The following KIAA1217 variants were observed in gnomAD, a reference collection of about 807,000 sequenced individuals.
KIAA1217 encodes sickle tail protein homolog.
Under a neutral mutation model 163.9 loss-of-function variants are expected in KIAA1217, and 88 were observed. The ratio of observed to expected loss-of-function variants is 0.54; its 90% CI spans 0.45 to 0.64. KIAA1217 has a LOEUF of 0.64. KIAA1217 is among the 30% of genes least tolerant of loss of function. KIAA1217 has a pLI of 0.00. For synonymous variants in KIAA1217, 903 were observed against 923.1 expected, an observed-to-expected ratio of 0.98 and a Z score of 0.39; for missense variants, 2,372 against 2,475.0, an observed-to-expected ratio of 0.96 and a Z score of 0.88.
intron 1 of KIAA1217, among the ~76,000 whole-genome samples, chr10:23,790,600 T>C (rs1688679831): frequency 7.9e-6 from 1 of 126,712 alleles, no homozygotes; most frequent in East Asian, 2.1e-4. Flanking sequence ...TATATACATG[T>C]ACATATATAC....
At chr10:23,926,813 T>A (rs2131302964) in intron 1 of KIAA1217, among the ~76,000 whole-genome samples, 1 of 152,182 alleles carries the variant, frequency 6.6e-6, no homozygotes, top group East Asian at 1.9e-4. Context: ...CTTTTCTTCC[T>A]CCCTCTTTTC....
rs535615850 is a variant in KIAA1217, at chr10:24,472,850, AT to A, written c.847-375del. Among the ~76,000 whole-genome samples the A allele has an allele frequency of 4.9e-3, 743 of 152,088 alleles. 9 individuals carry two copies. Among genetic ancestry groups the A allele is most frequent in the Middle Eastern group, 6.8e-3 (2 of 294 alleles). On this transcript the variant is annotated intron_variant, in intron 5 of 20. Coordinates refer to ENST00000376454, the MANE Select transcript of KIAA1217 (RefSeq NM_019590.5). The stretch of plus-strand genomic sequence containing the variant: ...CTCTGGAGGCTCCAGAGTGGGATCC[AT>A]TTCCTCACCTTTTCCAGCTTCTAGC...
chr10:23,884,309 C>T (rs1026183442), intron 1 of KIAA1217, among the ~76,000 whole-genome samples: 3 of 151,886 alleles, frequency 2.0e-5, no homozygotes, highest in Admixed American at 6.6e-5. Flanking sequence ...CATTCTAATA[C>T]GAATATGGTA....
chr10:23,844,481 G>A (rs1021314666), intron 1 of KIAA1217, among the ~76,000 whole-genome samples: 1 of 152,180 alleles, frequency 6.6e-6, no homozygotes, highest in Admixed American at 6.6e-5. Flanking sequence ...GACCTGTGTT[G>A]TCATATTCAA....
chr10:24,511,922 T>A (rs983692752), intron 9 of KIAA1217, among the ~76,000 whole-genome samples: 4 of 152,130 alleles, frequency 2.6e-5, no homozygotes, highest in African/African-American at 9.7e-5. Flanking sequence ...TCTCACCGAG[T>A]CTCCATGACC....
At chr10:23,807,092 T>C (rs771958817) in intron 1 of KIAA1217, among the ~76,000 whole-genome samples, 13 of 152,378 alleles carry the variant, frequency 8.5e-5, no homozygotes, top group Non-Finnish European at 1.3e-4. Context: ...TCTGAGGATT[T>C]AATGAACTTC....
intron 2 of KIAA1217, among the ~76,000 whole-genome samples, chr10:24,341,110 T>C (rs1481089710): frequency 1.3e-5 from 2 of 152,110 alleles, no homozygotes; most frequent in African/African-American, 4.8e-5. Context: ...GTTATCCTTT[T>C]ACTTCTCCTG....
intron 2 of KIAA1217, among the ~76,000 whole-genome samples, chr10:24,050,496 G>A (rs1184981267): frequency 6.6e-6 from 1 of 151,942 alleles, no homozygotes; most frequent in Non-Finnish European, 1.5e-5. Context: ...GTGTAGGGAA[G>A]GGGTCCAGTT....
chr10:24,422,598 C>A (rs373130085), intron 3 of KIAA1217, among the ~76,000 whole-genome samples: 2 of 152,154 alleles, frequency 1.3e-5, no homozygotes, highest in Admixed American at 1.3e-4. Flanking sequence ...TTGGAAGGAC[C>A]AGGAGGATCA....
Position 24,539,896 on chromosome 10 carries a change from G to A in KIAA1217, c.3535-2797G>A, listed in dbSNP as rs149592999. ...CAATTTTCTTGTAACCCTGTCTCTCGTTTTGGTTTATTGTCCATATGCCTA... is the reference window on the plus strand; with the variant it reads ...CAATTTTCTTGTAACCCTGTCTCTCATTTTGGTTTATTGTCCATATGCCTA... On this transcript the variant is annotated intron_variant, in intron 17 of 20. Coordinates refer to ENST00000376454, the MANE Select transcript of KIAA1217 (RefSeq NM_019590.5). 8.5e-5 allele frequency among the ~76,000 whole-genome samples: 13 copies of A among 152,124 alleles called. No homozygotes were observed. The East Asian group carries it at 1.2e-3, about 14-fold the overall frequency.
intron 2 of KIAA1217, among the ~76,000 whole-genome samples, chr10:24,326,560 G>A (rs1463038823): frequency 6.6e-6 from 1 of 152,038 alleles, no homozygotes; most frequent in Non-Finnish European, 1.5e-5. Flanking sequence ...AGGTGTGAAA[G>A]GCATGGTTAT....
chr10:24,515,922 T>C (rs575073522), intron 10 of KIAA1217, among the ~76,000 whole-genome samples: 1 of 152,236 alleles, frequency 6.6e-6, no homozygotes, highest in East Asian at 1.9e-4. Flanking sequence ...AAATAAAAAA[T>C]TAGCCAGCTG....
At chr10:23,812,212 C>T (rs1407862890) in intron 1 of KIAA1217, among the ~76,000 whole-genome samples, 1 of 152,158 alleles carries the variant, frequency 6.6e-6, no homozygotes, top group African/African-American at 2.4e-5. Flanking sequence ...GATGAAGTTA[C>T]ATATGATTGC....
intron 1 of KIAA1217, among the ~76,000 whole-genome samples, chr10:23,706,993 G>A (rs1329817611): frequency 4.6e-5 from 7 of 152,086 alleles, no homozygotes; most frequent in Admixed American, 4.6e-4. Flanking sequence ...GTCCTGTTCT[G>A]TTCTTTTTAT....
chr10:24,229,477 T>C (rs1053546107), intron 2 of KIAA1217, among the ~76,000 whole-genome samples: 1 of 152,210 alleles, frequency 6.6e-6, no homozygotes, highest in Admixed American at 6.5e-5. Flanking sequence ...AATGACTGAA[T>C]ATGAGTTTAC....
intron 1 of KIAA1217, among the ~76,000 whole-genome samples, chr10:23,853,551 C>T (rs1322398920): frequency 6.6e-6 from 1 of 152,158 alleles, no homozygotes; most frequent in Non-Finnish European, 1.5e-5. Context: ...GGAGTATTCC[C>T]TCTTTTTCTA....
intron 2 of KIAA1217, among the ~76,000 whole-genome samples, chr10:24,306,947 G>A (rs1219077090): frequency 1.3e-5 from 2 of 152,202 alleles, no homozygotes; most frequent in Non-Finnish European, 2.9e-5. Context: ...GGCAAGAAAT[G>A]ACGGCTACCT....
rs144403604 is a variant in KIAA1217, at chr10:24,152,064, C to T, written c.-170-67562C>T. Among the ~76,000 whole-genome samples, 12 of 152,132 alleles carry T rather than the reference C, an allele frequency of 7.9e-5. No homozygotes were observed. The South Asian group carries it at 1.0e-3, about 13-fold the overall frequency. ...TTCTAGTTCTCCTTCCTCCCTTCCCCGCTCCCTCCCTCCCTGCATGGCTCT... is the reference window on the plus strand; with the variant it reads ...TTCTAGTTCTCCTTCCTCCCTTCCCTGCTCCCTCCCTCCCTGCATGGCTCT... On this transcript the variant is annotated intron_variant, in intron 2 of 18. Coordinates refer to the KIAA1217 transcript ENST00000376462.
At chr10:24,287,671 C>G (rs11014005) in intron 2 of KIAA1217, among the ~76,000 whole-genome samples, 10,515 of 151,984 alleles carry the variant, frequency 0.069, 619 homozygotes, top group East Asian at 0.23. Flanking sequence ...TTTTTTTTAG[C>G]CTGTTAGTAG....
Sources: gnomAD v4.1 joint callset for allele counts (sites outside exome capture counted in the v4.1 genomes callset) on GRCh38, gnomAD v4.1.1 for gene constraint, MANE v1.5 for transcripts, NCBI Gene and HGNC (gene_info 2026-07-23, HGNC 2026-07-21) for gene names.